Variants in MALRD1 observed in about 807,000 individuals in gnomAD.
The protein encoded by MALRD1 is MAM and LDL receptor class A domain containing 1.
MALRD1 carries 247 observed loss-of-function variants against 242.1 expected under a neutral mutation model. That is an observed-to-expected ratio of 1.02 (90% CI 0.92 to 1.13). MALRD1 has a LOEUF of 1.13. MALRD1 is among the 50% of genes most tolerant of loss of function. The probability of loss-of-function intolerance (pLI) is 0.00; values close to 1 mark genes in which losing one functional copy is unlikely to be tolerated. For synonymous variants in MALRD1, 995 were observed against 866.6 expected (o/e 1.15, Z -2.60); for missense variants, 2,989 against 2,533.1 (o/e 1.18, Z -3.86).
At chr10:19,262,923 T>C (rs1201863102) in intron 19 of MALRD1, among the ~76,000 whole-genome samples, 2 of 152,232 alleles carry the variant, frequency 1.3e-5, no homozygotes, top group Admixed American at 6.5e-5. Flanking sequence ...CTTAGTGTAA[T>C]GGACATGGCA....
intron 32 of MALRD1, among the ~76,000 whole-genome samples, chr10:19,551,466 T>C (rs1420003479): frequency 6.6e-6 from 1 of 152,214 alleles, no homozygotes; most frequent in East Asian, 1.9e-4. Context: ...ATCTTTAGAC[T>C]TTACTGAAGT....
At chr10:19,662,765 A>G (rs1280375753) in intron 36 of MALRD1, among the ~76,000 whole-genome samples, 2 of 152,164 alleles carry the variant, frequency 1.3e-5, no homozygotes, top group Non-Finnish European at 2.9e-5. Context: ...CCTATCACCC[A>G]TGCCAATTCC....
chr10:19,154,954 T>TA (rs34484331), intron 11 of MALRD1, 121 bp from the exon 12 acceptor site: 13 of 464,270 alleles, frequency 2.8e-5, no homozygotes, highest in Non-Finnish European at 4.5e-5. Context: ...AGTAAACATG[T>TA]AAAAAATGTA....
At chr10:19,482,956 A>T (rs1432481298) in intron 29 of MALRD1, among the ~76,000 whole-genome samples, 1 of 152,086 alleles carries the variant, frequency 6.6e-6, no homozygotes, top group Non-Finnish European at 1.5e-5. Flanking sequence ...TAAAATCCAT[A>T]TGGAACCATA....
Position 19,454,405 on chromosome 10 carries a change from G to GATACATAT in MALRD1, c.5029+3918_5029+3919insCATATATA, listed in dbSNP as rs1554775337. The stretch of plus-strand genomic sequence containing the variant: ...ATGAGGAAAGGTAGATTATGCATAT[G>GATACATAT]ATATATATATATATATATATATATA... On this transcript the variant is annotated intron_variant, in intron 29 of 39. Coordinates refer to ENST00000454679, the MANE Select transcript of MALRD1 (RefSeq NM_001142308.3). Among the ~76,000 whole-genome samples the GATACATAT allele has an allele frequency of 1.5e-3, 119 of 80,528 alleles. 1 individual carries two copies. Among genetic ancestry groups the GATACATAT allele is most frequent in the South Asian group, 4.4e-3 (11 of 2,510 alleles). The allele number at this position is 80,528 out of a possible 152,430, so 52.8% of individuals were successfully genotyped here.
Position 19,305,876 on chromosome 10 carries a change from AAT to A in MALRD1, c.3420-18065_3420-18064del, listed in dbSNP as rs575677574. 6.4e-3 allele frequency among the ~76,000 whole-genome samples: 843 copies of A among 130,794 alleles called. 5 individuals are homozygous for A. The highest frequency in any genetic ancestry group is 0.023 in the African/African-American group (782 of 34,138). 85.8% of individuals were successfully genotyped at this position (130,794 alleles called of 152,430 possible). ...CTATATACTATACTATATATTATAT[AAT>A]ATATATAATATATATTATATATACT... On this transcript the variant is annotated intron_variant, in intron 21 of 39. Transcript: ENST00000454679.
chr10:19,489,020 C>G lies in MALRD1; in HGVS notation c.5030-2497C>G, dbSNP rs140676971. ...TCTATCCGGTTCTCCCACCATCCCC[C>G]GCCAGGGGTCTCAGCAGCTCGGAGG... On this transcript the variant is annotated intron_variant, in intron 29 of 39. Transcript: ENST00000454679. 642 of 456,418 alleles carry G rather than the reference C, an allele frequency of 1.4e-3. 2 individuals are homozygous for G. Among genetic ancestry groups the G allele is most frequent in the African/African-American group, 0.01 (524 of 50,208 alleles). 28.3% of individuals were successfully genotyped at this position (456,418 alleles called of 1,614,324 possible).
chr10:19,209,149 G>T (rs922161852), intron 17 of MALRD1, 119 bp from the exon 18 acceptor site: 617 of 859,248 alleles, frequency 7.2e-4, no homozygotes, highest in Non-Finnish European at 9.3e-4. Flanking sequence ...AAAATAAAAT[G>T]GCTTACCTTG....
At chr10:19,338,861 GTA>G (rs772454548) in intron 24 of MALRD1, among the ~76,000 whole-genome samples, 244 of 148,924 alleles carry the variant, frequency 1.6e-3, no homozygotes, top group African/African-American at 4.7e-3. Flanking sequence ...CTAACTATAT[GTA>G]TATATATATA....
intron 28 of MALRD1, among the ~76,000 whole-genome samples, chr10:19,390,380 A>G (rs1015325675): frequency 6.6e-6 from 1 of 152,336 alleles, no homozygotes; most frequent in East Asian, 1.9e-4. Context: ...TGATTACATG[A>G]AACTGCTTAT....
chr10:19,277,561 T>C (rs929626396), intron 19 of MALRD1, among the ~76,000 whole-genome samples: 3 of 152,186 alleles, frequency 2.0e-5, no homozygotes, highest in Non-Finnish European at 4.4e-5. Context: ...TGAGGAAATA[T>C]GAAATCTGGT....
In MALRD1 at chr10:19,469,711, CATGCCAAAAGTAAGTT is replaced by C. The variant is rs1272573317; in HGVS notation, c.5029+19223_5029+19238del. On this transcript the variant is annotated intron_variant, in intron 29 of 39. Coordinates refer to ENST00000454679, the MANE Select transcript of MALRD1 (RefSeq NM_001142308.3). ...TCCTGCAGGTGTTTGAACTGGGTTACATGCCAAAAGTAAGTTACATGCCAAAAATCAGTGTTGCATA... is the reference window on the plus strand; with the variant it reads ...TCCTGCAGGTGTTTGAACTGGGTTACACATGCCAAAAATCAGTGTTGCATA... Among the ~76,000 whole-genome samples, 144 of 152,186 alleles carry C rather than the reference CATGCCAAAAGTAAGTT, an allele frequency of 9.5e-4. 6 individuals are homozygous for C. The East Asian group carries it at 0.026, about 28-fold the overall frequency.
intron 26 of MALRD1, among the ~76,000 whole-genome samples, chr10:19,371,367 G>A (rs575068130): frequency 2.0e-5 from 3 of 152,270 alleles, no homozygotes; most frequent in East Asian, 1.9e-4. Context: ...TCCTTTATCA[G>A]TATGAGGAAG....
intron 19 of MALRD1, among the ~76,000 whole-genome samples, chr10:19,260,602 G>A (rs886981772): frequency 4.6e-5 from 7 of 152,106 alleles, no homozygotes; most frequent in African/African-American, 1.7e-4. Context: ...AAGAAAGAGA[G>A]GTGATGTGTA....
intron 21 of MALRD1, among the ~76,000 whole-genome samples, chr10:19,311,257 G>A (rs1250505138): frequency 1.3e-5 from 2 of 151,098 alleles, no homozygotes; most frequent in Non-Finnish European, 3.0e-5. Context: ...ATTAACCTTG[G>A]TTATATTTTT....
chr10:19,260,567 G>A (rs1462991742), intron 19 of MALRD1, among the ~76,000 whole-genome samples: 1 of 152,106 alleles, frequency 6.6e-6, no homozygotes, highest in Non-Finnish European at 1.5e-5. Context: ...GCTCAGCAGG[G>A]GTAGGGGAGA....
chr10:19,343,175 A>C (rs1843960395), intron 24 of MALRD1, among the ~76,000 whole-genome samples: 1 of 152,154 alleles, frequency 6.6e-6, no homozygotes, highest in African/African-American at 2.4e-5. Context: ...AACAAAATAC[A>C]CTGGAAACCA....
At chr10:19,216,353 T>G (rs1837314614) in intron 18 of MALRD1, among the ~76,000 whole-genome samples, 1 of 151,842 alleles carries the variant, frequency 6.6e-6, no homozygotes, top group Non-Finnish European at 1.5e-5. Flanking sequence ...CCTGACCTTG[T>G]GATCTGCCTG....
At chr10:19,601,871 T>A (rs925410010) in intron 34 of MALRD1, among the ~76,000 whole-genome samples, 2 of 152,092 alleles carry the variant, frequency 1.3e-5, no homozygotes, top group African/African-American at 4.8e-5. Flanking sequence ...AGTTATATTG[T>A]TTAAAACCTT....
Sources: allele counts gnomAD v4.1 joint callset (sites outside exome capture counted in the v4.1 genomes callset), GRCh38; gene constraint gnomAD v4.1.1; transcripts MANE v1.5; gene names NCBI Gene and HGNC (gene_info 2026-07-23, HGNC 2026-07-21).